FAM83B: variants seen among roughly 807,000 people sequenced by gnomAD.
FAM83B encodes the protein scaffolding CK1 anchoring protein B.
A neutral mutation model predicts 38.8 loss-of-function variants in FAM83B; 26 were observed. That is an observed-to-expected ratio of 0.67 (90% CI 0.49 to 0.93). The LOEUF is 0.93. FAM83B is among the 40% of genes least tolerant of loss of function. The probability of loss-of-function intolerance (pLI) is 0.00; values close to 1 mark genes in which losing one functional copy is unlikely to be tolerated. For missense variants in FAM83B, 1,237 were observed against 1,197.3 expected, an observed-to-expected ratio of 1.03 and a Z score of -0.49; for synonymous variants, 419 against 423.1, an observed-to-expected ratio of 0.99 and a Z score of 0.12.
At chr6:54,925,699 C>T (rs1455278468) in intron 2 of FAM83B, among the ~76,000 whole-genome samples, 1 of 151,930 alleles carries the variant, frequency 6.6e-6, no homozygotes, top group African/African-American at 2.4e-5. Flanking sequence ...ATAAAATACT[C>T]CAGTATTTAA....
chr6:54,897,617 G>A (rs1366657387), intron 2 of FAM83B, among the ~76,000 whole-genome samples: 1 of 152,014 alleles, frequency 6.6e-6, no homozygotes, highest in African/African-American at 2.4e-5. Context: ...ATCTCTTATT[G>A]GGTAGAGTTA....
chr6:54,870,586 G>A lies in FAM83B; in HGVS notation c.340G>A (p.Gly114Arg), dbSNP rs754248072. The change falls in exon 2 of 5, where the codon GGA becomes AGA. Residue 114 changes from glycine to arginine, a missense_variant. Physicochemically the swap from Gly to Arg is moderately radical, Grantham distance 125. Transcript: ENST00000306858. ...CTTAGGCTGGCCATATGTGATGCCC[G>A]GACTCTTAGGGGGCACCCATATAGA... ...LDLGWPYVMP[G>R]LLGGTHIDLL... 17 of 1,613,720 alleles carry A rather than the reference G, an allele frequency of 1.1e-5. No homozygotes were observed. The highest frequency in any genetic ancestry group is 2.2e-5 in the East Asian group (1 of 44,870).
intron 2 of FAM83B, among the ~76,000 whole-genome samples, chr6:54,892,164 T>G (rs1311706746): frequency 2.0e-5 from 3 of 152,316 alleles, no homozygotes; most frequent in Admixed American, 1.3e-4. Flanking sequence ...TAAATATAAA[T>G]CTCTGTGTCT....
chr6:54,882,139 A>C (rs1772146638), intron 2 of FAM83B, among the ~76,000 whole-genome samples: 1 of 152,208 alleles, frequency 6.6e-6, no homozygotes, highest in South Asian at 2.1e-4. Flanking sequence ...TATATGTGCC[A>C]CATTTTCTTA....
At chr6:54,923,885 TTG>T (rs1201216593) in intron 2 of FAM83B, among the ~76,000 whole-genome samples, 2 of 151,714 alleles carry the variant, frequency 1.3e-5, no homozygotes, top group African/African-American at 4.8e-5. Flanking sequence ...TTTTTAACTT[TTG>T]CACTAGACTC....
At chr6:54,860,326 T>C (rs1379230781) in intron 1 of FAM83B, among the ~76,000 whole-genome samples, 1 of 152,160 alleles carries the variant, frequency 6.6e-6, no homozygotes, top group African/African-American at 2.4e-5. Context: ...GAGACAGGGA[T>C]GTGCTTAGAG....
chr6:54,942,031 G>A lies in FAM83B; in HGVS notation c.*24G>A. 1 of 1,567,960 alleles carries A rather than the reference G, an allele frequency of 6.4e-7. No homozygotes were observed. Reference sequence around the variant, plus strand: ...AGCTATTAAAATGCAAAATGAATGAGGCTATCAATATTTGTCCAAAGAAAA... The same window carrying A: ...AGCTATTAAAATGCAAAATGAATGAAGCTATCAATATTTGTCCAAAGAAAA... On this transcript the variant is annotated 3_prime_UTR_variant, in exon 5 of 5. Transcript: ENST00000306858.
At chr6:54,907,785 T>C (rs1440052302) in intron 2 of FAM83B, among the ~76,000 whole-genome samples, 4 of 152,128 alleles carry the variant, frequency 2.6e-5, no homozygotes, top group Non-Finnish European at 2.9e-5. Context: ...TTTTTGAGGA[T>C]ATATTAAAAT....
chr6:54,875,895 T>C lies in FAM83B; in HGVS notation c.444+5205T>C, dbSNP rs1484462491. On this transcript the variant is annotated intron_variant, in intron 2 of 4. Coordinates refer to ENST00000306858, the MANE Select transcript of FAM83B (RefSeq NM_001010872.3). ...TCTGTCTTTAACAAACTCGTGGTGC[T>C]ATACAGAGAGACAACACATTCTATA... Among the ~76,000 whole-genome samples, 4 of 152,300 alleles carry C rather than the reference T, an allele frequency of 2.6e-5. No homozygotes were observed. In the South Asian group the frequency reaches 8.3e-4, roughly 32 times the overall value.
chr6:54,862,053 A>G (rs924712), intron 1 of FAM83B, among the ~76,000 whole-genome samples: 79,330 of 151,996 alleles, frequency 0.52, 21,476 homozygotes, highest in Non-Finnish European at 0.58. Flanking sequence ...TCAATCAGAC[A>G]TTAGGGTCTA....
chr6:54,898,693 C>T (rs1008634107), intron 2 of FAM83B, among the ~76,000 whole-genome samples: 1 of 152,132 alleles, frequency 6.6e-6, no homozygotes. Context: ...TGTTTTAACT[C>T]TTTCCTCTTT....
chr6:54,879,389 C>T (rs1772072809), intron 2 of FAM83B, among the ~76,000 whole-genome samples: 1 of 152,188 alleles, frequency 6.6e-6, no homozygotes, highest in African/African-American at 2.4e-5. Context: ...TGCTGAGAAG[C>T]AGAACCTCCC....
chr6:54,890,551 T>C (rs1202983653), intron 2 of FAM83B, among the ~76,000 whole-genome samples: 1 of 152,080 alleles, frequency 6.6e-6, no homozygotes, highest in African/African-American at 2.4e-5. Context: ...AAACAATTAT[T>C]TTAACATAAT....
At chr6:54,846,957 G>A (rs1160375575) in intron 1 of FAM83B, 131 bp downstream of exon 1, 2 of 152,412 alleles carry the variant, frequency 1.3e-5, no homozygotes, top group Non-Finnish European at 2.9e-5. Flanking sequence ...GCGGACGGGA[G>A]GGATAGGGGA....
intron 1 of FAM83B, among the ~76,000 whole-genome samples, chr6:54,849,243 T>A (rs1771209703): frequency 6.6e-6 from 1 of 152,146 alleles, no homozygotes; most frequent in African/African-American, 2.4e-5. Context: ...AGAAAATGTG[T>A]TAGAGCCTTC....
rs1206523808 is a variant in FAM83B, at chr6:54,870,386, T to C, written c.140T>C (p.Leu47Pro). Residue 47 changes from leucine to proline, a missense_variant, in exon 2 of 5, where the codon CTT becomes CCT. Physicochemically the swap from Leu to Pro is moderately conservative, Grantham distance 98 (BLOSUM62 -3). Transcript: ENST00000306858. ...GGGTTAGAAGCATACCAAGAATTTC[T>C]TGTCCAGGAACGAGTTTCAGACTTT... Reference protein sequence around the residue: ...EHGLEAYQEFLVQERVSDFLA... With the variant: ...EHGLEAYQEFPVQERVSDFLA... The C allele has an allele frequency of 3.1e-6, 5 of 1,614,074 alleles. 1 individual carries two copies. Among genetic ancestry groups the C allele is most frequent in the East Asian group, 4.5e-5 (2 of 44,868 alleles).
At position 54,873,376 on chromosome 6, in the gene FAM83B, G is replaced by T. The variant is rs144438591; in HGVS notation, c.444+2686G>T. Among the ~76,000 whole-genome samples the T allele has an allele frequency of 3.4e-3, 519 of 152,188 alleles. 8 individuals carry two copies. The highest frequency in any genetic ancestry group is 0.033 in the East Asian group (173 of 5,182). On this transcript the variant is annotated intron_variant, in intron 2 of 4. Coordinates refer to ENST00000306858, the MANE Select transcript of FAM83B (RefSeq NM_001010872.3). ...ATTTTTAAAAAATTAAGATTATTTA[G>T]CTTATAACTGGACATGGTCCTGTGA...
chr6:54,916,068 A>G (rs1773030999), intron 2 of FAM83B, among the ~76,000 whole-genome samples: 1 of 152,094 alleles, frequency 6.6e-6, no homozygotes, highest in Non-Finnish European at 1.5e-5. Flanking sequence ...TCCATTTCCC[A>G]ACAAAACTGG....
Position 54,940,008 on chromosome 6 carries a change from A to G in FAM83B, c.1037A>G (p.Asn346Ser). The G allele has an allele frequency of 6.2e-7, 1 of 1,614,066 alleles. No individual in the cohort carries two copies. Among genetic ancestry groups the G allele is most frequent in the Non-Finnish European group, 8.5e-7 (1 of 1,179,966 alleles). ...AAAAACAGAGGGATATATACTTTAAATGAACATGACAAATATAACATAAGA... is the reference window on the plus strand; with the variant it reads ...AAAAACAGAGGGATATATACTTTAAGTGAACATGACAAATATAACATAAGA... Reference protein sequence around the residue: ...YFKNRGIYTLNEHDKYNIRSH... With the variant: ...YFKNRGIYTLSEHDKYNIRSH... Residue 346 changes from asparagine (N) to serine (S), a missense_variant, in exon 5 of 5, where the codon AAT becomes AGT. Asn to Ser is a conservative substitution (Grantham distance 46). Transcript: ENST00000306858.
Sources: allele counts gnomAD v4.1 joint callset (sites outside exome capture counted in the v4.1 genomes callset), GRCh38; gene constraint gnomAD v4.1.1; transcripts MANE v1.5; gene names NCBI Gene and HGNC (gene_info 2026-07-23, HGNC 2026-07-21).